Variants in OR52A5 observed in about 807,000 individuals in gnomAD.
OR52A5 encodes olfactory receptor family 52 subfamily A member 5.
Under a neutral mutation model 18.2 loss-of-function variants are expected in OR52A5, and 16 were observed. The ratio of observed to expected loss-of-function variants is 0.88; its 90% confidence interval spans 0.60 to 1.34. OR52A5 has a LOEUF of 1.34. Ranked by LOEUF, OR52A5 falls within the 40% of genes most tolerant of loss-of-function variation. The pLI is 0.00. For missense variants in OR52A5, 418 were observed against 383.0 expected, an observed-to-expected ratio of 1.09 and a Z score of -0.76; for synonymous variants, 140 against 137.2, an observed-to-expected ratio of 1.02 and a Z score of -0.14.
In OR52A5 at chr11:5,130,658, C is replaced by G. The variant is rs1487796854; in HGVS notation, c.*1034G>C. On this transcript the variant is annotated 3_prime_UTR_variant, in exon 2 of 2. Coordinates refer to ENST00000307388, the MANE Select transcript of OR52A5 (RefSeq NM_001005160.3). Reference sequence around the variant, plus strand: ...CTCAAAGTCATTTCTACATTATTGACAAGATTTTTCCCCAAAATTGTATGT... The same window carrying G: ...CTCAAAGTCATTTCTACATTATTGAGAAGATTTTTCCCCAAAATTGTATGT... The G allele has an allele frequency of 6.6e-6, 1 of 151,948 alleles. No homozygotes were observed. Among genetic ancestry groups the G allele is most frequent in the Non-Finnish European group, 1.5e-5 (1 of 67,932 alleles). 9.4% of individuals were successfully genotyped at this position (151,948 alleles called of 1,614,324 possible).
At chr11:5,133,363 C>CAAAAAAAAAAAAAAAAA (rs745895019) in intron 1 of OR52A5, among the ~76,000 whole-genome samples, 2 of 62,406 alleles carry the variant, frequency 3.2e-5, no homozygotes, top group Non-Finnish European at 5.9e-5. Flanking sequence ...GCGAGACTGT[C>CAAAAAAAAAAAAAAAAA]AAAAAAAAAA....
Position 5,132,007 on chromosome 11 carries a change from A to G in OR52A5, c.636T>C (p.Phe212=). The G allele has an allele frequency of 1.2e-6, 2 of 1,614,232 alleles. No homozygotes were observed. The highest frequency in any genetic ancestry group is 1.7e-6 in the Non-Finnish European group (2 of 1,180,036). The change falls in exon 2 of 2, where the codon TTT becomes TTC. Residue 212 remains phenylalanine, a synonymous_variant. Transcript: ENST00000307388. ...GLFVAFAILG[F]DIIFITLSYV... Reference sequence around the variant, plus strand: ...AGGACAAGGTTATAAATATTATGTCAAACCCTAGGATTGCAAAGGCAACAA... The same window carrying G: ...AGGACAAGGTTATAAATATTATGTCGAACCCTAGGATTGCAAAGGCAACAA...
At chr11:5,133,330 T>C (rs1225106994) in intron 1 of OR52A5, among the ~76,000 whole-genome samples, 1 of 124,858 alleles carries the variant, frequency 8.0e-6, no homozygotes, top group Admixed American at 1.0e-4. Context: ...ATCACACCAC[T>C]GCACTCCAGC....
intron 1 of OR52A5, among the ~76,000 whole-genome samples, chr11:5,133,666 C>T (rs1271118400): frequency 1.3e-5 from 2 of 151,966 alleles, no homozygotes; most frequent in Non-Finnish European, 2.9e-5. Context: ...TTCTTCAGCA[C>T]TTCCTATCAA....
At position 5,132,194 on chromosome 11, in the gene OR52A5, AC is replaced by A. The variant is rs1192779670; in HGVS notation, c.448del (p.Val150Ter). ...TATAAGAATGGCAGCCCTGAGTGTCACCCCAAGTCCAATATGAGTTAAGAAC... is the reference window on the plus strand; with the variant it reads ...TATAAGAATGGCAGCCCTGAGTGTCACCCAAGTCCAATATGAGTTAAGAAC... ...QQFLTHIGLG[V>X]TLRAAILIIP... On this transcript the variant is annotated frameshift_variant, in exon 2 of 2. Coordinates refer to ENST00000307388, the MANE Select transcript of OR52A5 (RefSeq NM_001005160.3). LOFTEE classifies it high-confidence loss of function. 1 of 1,614,108 alleles carries A rather than the reference AC, an allele frequency of 6.2e-7. No individual in the cohort carries two copies. The highest frequency in any genetic ancestry group is 1.1e-5 in the South Asian group (1 of 91,072).
chr11:5,137,192 G>A (rs938159749), intron 1 of OR52A5, among the ~76,000 whole-genome samples: 26 of 152,202 alleles, frequency 1.7e-4, no homozygotes, highest in Non-Finnish European at 5.9e-5. Flanking sequence ...GAACAACTTT[G>A]TTTGCACAAA....
chr11:5,137,510 C>T (rs1053922430), intron 1 of OR52A5, among the ~76,000 whole-genome samples: 4 of 151,564 alleles, frequency 2.6e-5, no homozygotes, highest in African/African-American at 9.7e-5. Context: ...CTCTCTCCCT[C>T]TCTCTCTTTT....
intron 1 of OR52A5, among the ~76,000 whole-genome samples, chr11:5,134,788 TAAGTA>T (rs1564850124): frequency 6.6e-6 from 1 of 152,020 alleles, no homozygotes; most frequent in Admixed American, 6.6e-5. Flanking sequence ...GAACTTGTTA[TAAGTA>T]AATACACTTG....
In OR52A5 at chr11:5,135,546, C is replaced by T. The variant is rs143014695; in HGVS notation, c.-61+2765G>A. Among the ~76,000 whole-genome samples the T allele has an allele frequency of 1.1e-3, 167 of 152,268 alleles. 1 individual carries two copies. The highest frequency in any genetic ancestry group is 0.01 in the Middle Eastern group (3 of 294). Reference sequence around the variant, plus strand: ...GCCATGAAGGGAAGTGGGGGTGAGACATGCCCCATTACATCTCTCCAGCAT... The same window carrying T: ...GCCATGAAGGGAAGTGGGGGTGAGATATGCCCCATTACATCTCTCCAGCAT... On this transcript the variant is annotated intron_variant, in intron 1 of 1. Transcript: ENST00000307388.
At chr11:5,136,409 G>A (rs1002265988) in intron 1 of OR52A5, among the ~76,000 whole-genome samples, 1 of 152,150 alleles carries the variant, frequency 6.6e-6, no homozygotes. Flanking sequence ...GATGTCATCT[G>A]TTTGGTAAAA....
In OR52A5 at chr11:5,132,262, G is replaced by A. The variant is rs868350744; in HGVS notation, c.381C>T (p.Ala127=). The A allele has an allele frequency of 6.2e-7, 1 of 1,614,108 alleles. No homozygotes were observed. Among genetic ancestry groups the A allele is most frequent in the Non-Finnish European group, 8.5e-7 (1 of 1,180,026 alleles). ...TGGCATGTCTCAAGGGGATACAGATGGCCACATAGCGATCCAGGGCCATTG... is the reference window on the plus strand; with the variant it reads ...TGGCATGTCTCAAGGGGATACAGATAGCCACATAGCGATCCAGGGCCATTG... The part of the protein sequence containing the change: ...LLAMALDRYV[A]ICIPLRHATI... Residue 127 remains alanine (A), a synonymous_variant, in exon 2 of 2, where the codon GCC becomes GCT. Coordinates refer to ENST00000307388, the MANE Select transcript of OR52A5 (RefSeq NM_001005160.3).
rs75157199 is a variant in OR52A5, at chr11:5,132,084, T to C, written c.559A>G (p.Ile187Val). ...ATATCTTCAGTAGCCAGCTTCACGA[T>C]GGCCATGTGCTCACAGTAAGAGTGA... is the stretch of plus-strand genomic sequence containing the variant. ...ISHSYCEHMA[I>V]VKLATEDIRV... is the part of the protein sequence containing the mutation. Residue 187 changes from isoleucine to valine, a missense_variant, in exon 2 of 2, where the codon ATC becomes GTC. By Grantham distance (29) the Ile-to-Val change is conservative. Coordinates refer to ENST00000307388, the MANE Select transcript of OR52A5 (RefSeq NM_001005160.3). The C allele has an allele frequency of 3.0e-4, 492 of 1,614,228 alleles. No homozygotes were observed. In the African/African-American group the frequency reaches 5.4e-3, roughly 18 times the overall value.
rs1011992721 is a variant in OR52A5 at position 5,129,531 on chromosome 11, A to G, written c.*2161T>C. 4 of 152,102 alleles carry G rather than the reference A, an allele frequency of 2.6e-5. No individual in the cohort carries two copies. In the South Asian group the frequency reaches 8.3e-4, roughly 32 times the overall value. 9.4% of individuals were successfully genotyped at this position (152,102 alleles called of 1,614,324 possible). On this transcript the variant is annotated 3_prime_UTR_variant, in exon 2 of 2. Coordinates refer to ENST00000307388, the MANE Select transcript of OR52A5 (RefSeq NM_001005160.3). ...CATTGCATCATAGTCAGGGCATATC[A>G]GTCTGACTCATATCTCAGCCCTCTA...
At chr11:5,133,363 C>CAAAAAAAAA (rs745895019) in intron 1 of OR52A5, among the ~76,000 whole-genome samples, 1 of 62,404 alleles carries the variant, frequency 1.6e-5, no homozygotes, top group Admixed American at 2.1e-4. Context: ...GCGAGACTGT[C>CAAAAAAAAA]AAAAAAAAAA....
At chr11:5,134,397 T>C (rs1846372595) in intron 1 of OR52A5, among the ~76,000 whole-genome samples, 1 of 152,164 alleles carries the variant, frequency 6.6e-6, no homozygotes, top group African/African-American at 2.4e-5. Flanking sequence ...AAAGAGCATG[T>C]ATAAGCTATC....
At chr11:5,135,971 T>C (rs1028113110) in intron 1 of OR52A5, among the ~76,000 whole-genome samples, 1 of 152,194 alleles carries the variant, frequency 6.6e-6, no homozygotes, top group Non-Finnish European at 1.5e-5. Context: ...TTTGTTGACA[T>C]ATATACTGGG....
At chr11:5,137,543 C>A (rs1203734306) in intron 1 of OR52A5, among the ~76,000 whole-genome samples, 1 of 151,172 alleles carries the variant, frequency 6.6e-6, no homozygotes, top group African/African-American at 2.4e-5. Flanking sequence ...AGATAGTGTG[C>A]CACATCGCAG....
Position 5,129,741 on chromosome 11 carries a change from C to T in OR52A5, c.*1951G>A, listed in dbSNP as rs753728009. 6.6e-6 allele frequency: 1 copy of T among 151,994 alleles called. No individual in the cohort carries two copies. The highest frequency in any genetic ancestry group is 1.5e-5 in the Non-Finnish European group (1 of 68,016). 9.4% of individuals were successfully genotyped at this position (151,994 alleles called of 1,614,324 possible). On this transcript the variant is annotated 3_prime_UTR_variant, in exon 2 of 2. Coordinates refer to ENST00000307388, the MANE Select transcript of OR52A5 (RefSeq NM_001005160.3). ...ATCTTCAGCATGGAACAAATTTGAC[C>T]TGTAAAGAAGACCAAAAAGCAACCA...
At position 5,129,955 on chromosome 11, in the gene OR52A5, TA is replaced by T. The variant is rs1846319878; in HGVS notation, c.*1736del. 1 of 152,180 alleles carries T rather than the reference TA, an allele frequency of 6.6e-6. No homozygotes were observed. Among genetic ancestry groups the T allele is most frequent in the African/African-American group, 2.4e-5 (1 of 41,456 alleles). The allele number at this position is 152,180 out of a possible 1,614,324, so 9.4% of individuals were successfully genotyped here. A position where few individuals can be genotyped will look rare whatever the true frequency, so the allele number is the denominator to read the frequency against. ...TTGTTCTTTTTATTAATTACAGGTT[TA>T]AATGGCTTGAAATGCCAACCCACAG... On this transcript the variant is annotated 3_prime_UTR_variant, in exon 2 of 2. Coordinates refer to ENST00000307388, the MANE Select transcript of OR52A5 (RefSeq NM_001005160.3).
Sources: gnomAD v4.1 joint callset for allele counts (sites outside exome capture counted in the v4.1 genomes callset) on GRCh38, gnomAD v4.1.1 for gene constraint, MANE v1.5 for transcripts, NCBI Gene and HGNC (gene_info 2026-07-23, HGNC 2026-07-21) for gene names.